INTS9: variants seen among roughly 807,000 people sequenced by gnomAD.
INTS9 encodes the protein protein related to CPSF subunits of 74 kDa.
A neutral mutation model predicts 79.7 loss-of-function variants in INTS9; 55 were observed. The ratio of observed to expected loss-of-function variants is 0.69; its 90% CI spans 0.56 to 0.86. INTS9 has a LOEUF of 0.86. Ranked by LOEUF, INTS9 falls within the 40% of genes least tolerant of loss-of-function variation. INTS9 has a pLI of 0.00. For synonymous variants in INTS9, 319 were observed against 325.2 expected (o/e 0.98, Z 0.20); for missense variants, 721 against 831.5 (o/e 0.87, Z 1.64).
At chr8:28,792,836 C>A (rs1014953081) in intron 10 of INTS9, among the ~76,000 whole-genome samples, 1 of 151,744 alleles carries the variant, frequency 6.6e-6, no homozygotes, top group Non-Finnish European at 1.5e-5. Context: ...TTGCTTGAAC[C>A]CAGGAGGCGG....
intron 1 of INTS9, among the ~76,000 whole-genome samples, chr8:28,882,594 ACT>A (rs1373136538): frequency 7.3e-5 from 11 of 150,720 alleles, no homozygotes; most frequent in African/African-American, 1.7e-4. Context: ...AGAAAAAGAG[ACT>A]CTGATTAAGC....
rs1416596315 is a variant in INTS9, at chr8:28,775,869, T to G, written c.1453A>C (p.Arg485=). The G allele has an allele frequency of 1.2e-6, 2 of 1,611,790 alleles. No individual in the cohort carries two copies. Among genetic ancestry groups the G allele is most frequent in the East Asian group, 2.2e-5 (1 of 44,848 alleles). ...YTQPPPAQSH[R]MDLMIDCQPP... ...TGGCAGTCGATCATGAGGTCCATCCTGTGGGACTGGGCTGGGGGCGGCTGA... is the reference window on the plus strand; with the variant it reads ...TGGCAGTCGATCATGAGGTCCATCCGGTGGGACTGGGCTGGGGGCGGCTGA... The change falls in exon 14 of 17, where the codon AGG becomes CGG. Residue 485 remains arginine (R), a synonymous_variant. Transcript: ENST00000521022.
chr8:28,777,804 A>C, intron 13 of INTS9, 25 bp downstream of exon 13: 1 of 1,576,974 alleles, frequency 6.3e-7, no homozygotes. Flanking sequence ...GACTACGTGA[A>C]GGCACAAGCA....
intron 7 of INTS9, among the ~76,000 whole-genome samples, chr8:28,813,101 G>C (rs1330257181): frequency 6.6e-6 from 1 of 152,162 alleles, no homozygotes; most frequent in Non-Finnish European, 1.5e-5. Context: ...GGCCCTTGTT[G>C]TTCGGTACTG....
intron 11 of INTS9, among the ~76,000 whole-genome samples, chr8:28,786,721 T>C (rs1221184300): frequency 6.6e-6 from 1 of 152,270 alleles, no homozygotes; most frequent in East Asian, 1.9e-4. Context: ...GTCAGTTTTC[T>C]TTTTTTCTTT....
Position 28,770,041 on chromosome 8 carries a change from A to G in INTS9, c.1663-15T>C, listed in dbSNP as rs768167820. 5 of 1,612,576 alleles carry G rather than the reference A, an allele frequency of 3.1e-6. No individual in the cohort carries two copies. The African/African-American group carries it at 4.0e-5, about 13-fold the overall frequency. On this transcript the variant is annotated splice_polypyrimidine_tract_variant and intron_variant, in intron 15 of 16. Coordinates refer to ENST00000521022, the MANE Select transcript of INTS9 (RefSeq NM_018250.4). ...CGAGGAGGGGGCTAGAGCAGAAGGA[A>G]AGAGTGGCTTTCATGAGCTTCCTCT...
At chr8:28,773,386 G>C (rs1320829437) in intron 14 of INTS9, among the ~76,000 whole-genome samples, 1 of 148,266 alleles carries the variant, frequency 6.7e-6, no homozygotes, top group East Asian at 2.0e-4. Context: ...ATGGCATGAA[G>C]CTGGGAGGCG....
intron 8 of INTS9, among the ~76,000 whole-genome samples, chr8:28,806,416 A>G (rs1041665664): frequency 2.6e-5 from 4 of 152,232 alleles, no homozygotes; most frequent in South Asian, 4.1e-4. Context: ...TAGAAATATT[A>G]AAAAAGTAAA....
chr8:28,860,438 A>G (rs902116640), intron 1 of INTS9, among the ~76,000 whole-genome samples: 1 of 152,038 alleles, frequency 6.6e-6, no homozygotes, highest in Non-Finnish European at 1.5e-5. Context: ...AAACAAAGGG[A>G]ACAGTGTGCT....
At chr8:28,771,862 G>A (rs371682523) in intron 14 of INTS9, among the ~76,000 whole-genome samples, 246 of 152,172 alleles carry the variant, frequency 1.6e-3, no homozygotes, top group African/African-American at 5.7e-3. Context: ...CGACTCTGAA[G>A]GAGTCTTTTT....
intron 1 of INTS9, among the ~76,000 whole-genome samples, chr8:28,881,703 T>TG (rs1418906765): frequency 6.2e-4 from 29 of 46,956 alleles, no homozygotes; most frequent in African/African-American, 2.2e-3. Context: ...GGGAGGGAGG[T>TG]GGGGGGGTCA....
At chr8:28,879,523 CT>C in intron 1 of INTS9, among the ~76,000 whole-genome samples, 1 of 152,260 alleles carries the variant, frequency 6.6e-6, no homozygotes, top group South Asian at 2.1e-4. Flanking sequence ...ATGATGCCTG[CT>C]TGTACTACCT....
chr8:28,851,589 C>T (rs947766370), intron 2 of INTS9, among the ~76,000 whole-genome samples: 3 of 151,934 alleles, frequency 2.0e-5, no homozygotes, highest in Non-Finnish European at 2.9e-5. Flanking sequence ...AGGTGCCCGC[C>T]ACCACACCTG....
At chr8:28,886,582 C>A (rs1456153576) in intron 1 of INTS9, among the ~76,000 whole-genome samples, 1 of 152,134 alleles carries the variant, frequency 6.6e-6, no homozygotes, top group East Asian at 1.9e-4. Flanking sequence ...GCATTTAAAG[C>A]TAATTTTTAA....
rs1475463382 is a variant in INTS9 at position 28,770,993 on chromosome 8, G to A, written c.1651C>T (p.His551Tyr). 6.2e-7 allele frequency: 1 copy of A among 1,613,186 alleles called. No individual in the cohort carries two copies. Among genetic ancestry groups the A allele is most frequent in the Admixed American group, 1.7e-5 (1 of 60,002 alleles). The change falls in exon 15 of 17, where the codon CAC (histidine) becomes TAC (tyrosine). Residue 551 changes from histidine to tyrosine, a missense_variant. Transcript: ENST00000521022. ...CCAGCACCCCCTACCTGAAGCAAGT[G>A]CTTGTTATCTTTGGTGTGCAGCACG... ...SAVLHTKDNK[H>Y]LLQPPPRPAQ...
At chr8:28,867,044 T>C (rs1808792833) in intron 1 of INTS9, among the ~76,000 whole-genome samples, 1 of 152,032 alleles carries the variant, frequency 6.6e-6, no homozygotes, top group African/African-American at 2.4e-5. Flanking sequence ...CCTAGCACTT[T>C]GAGAGGCCGA....
At chr8:28,853,424 AAAAGAAAGAAAC>A (rs1418005093) in intron 2 of INTS9, among the ~76,000 whole-genome samples, 1 of 151,878 alleles carries the variant, frequency 6.6e-6, no homozygotes, top group Non-Finnish European at 1.5e-5. Flanking sequence ...AAAAAAAAAA[AAAAGAAAGAAAC>A]AAAGAAAGAA....
chr8:28,800,730 G>A (rs2130989201), intron 8 of INTS9, among the ~76,000 whole-genome samples: 1 of 152,276 alleles, frequency 6.6e-6, no homozygotes, highest in African/African-American at 2.4e-5. Flanking sequence ...TATAACATCT[G>A]TAAATTTCAT....
intron 1 of INTS9, chr8:28,862,251 T>G (rs1808502665): frequency 1.0e-6 from 1 of 974,560 alleles, no homozygotes; most frequent in African/African-American, 1.8e-5. Context: ...GGAAATAAAA[T>G]TATCTACAAT....
Sources: allele counts gnomAD v4.1 joint callset (sites outside exome capture counted in the v4.1 genomes callset), GRCh38; gene constraint gnomAD v4.1.1; transcripts MANE v1.5; gene names NCBI Gene and HGNC (gene_info 2026-07-23, HGNC 2026-07-21).